ADAM17: variants seen among roughly 807,000 people sequenced by gnomAD.
ADAM17 encodes ADAM metallopeptidase domain 17.
Under a neutral mutation model 96.7 loss-of-function variants are expected in ADAM17, and 39 were observed. The observed-to-expected ratio is 0.40, with a 90% CI of 0.31 to 0.53. The LOEUF (loss-of-function observed/expected upper bound fraction) is 0.53. ADAM17 is among the 20% of genes least tolerant of loss of function. The pLI is 0.44. For missense variants in ADAM17, 777 were observed against 1,013.2 expected (o/e 0.77, Z 3.17); for synonymous variants, 344 against 359.2 (o/e 0.96, Z 0.48).
chr2:9,528,719 C>G (rs1372387700), intron 4 of ADAM17, among the ~76,000 whole-genome samples: 1 of 152,154 alleles, frequency 6.6e-6, no homozygotes, highest in Non-Finnish European at 1.5e-5. Context: ...CAGGGAAATG[C>G]AAATCAAAAC....
At chr2:9,490,977 C>G (rs910185684) in intron 18 of ADAM17, 124 bp downstream of exon 18, 19 of 830,150 alleles carry the variant, frequency 2.3e-5, no homozygotes, top group Non-Finnish European at 3.7e-5. Flanking sequence ...CAACCTAGAC[C>G]CTTCCTGCTG....
chr2:9,504,795 A>G (rs1558503160), intron 12 of ADAM17, among the ~76,000 whole-genome samples: 1 of 151,654 alleles, frequency 6.6e-6, no homozygotes, highest in Non-Finnish European at 1.5e-5. Flanking sequence ...TCTTTTAACT[A>G]TAGGACTGCT....
In ADAM17 at chr2:9,500,244, C is replaced by A. The variant is rs188266870; in HGVS notation, c.1648+1929G>T. 2.2e-3 allele frequency among the ~76,000 whole-genome samples: 331 copies of A among 152,278 alleles called. 1 individual carries two copies. The highest frequency in any genetic ancestry group is 3.8e-3 in the Non-Finnish European group (258 of 68,020). On this transcript the variant is annotated intron_variant, in intron 13 of 18. Transcript: ENST00000310823. ...GTACATGAAGTACTGATACATGCTA[C>A]AACATACATGAACCTTAAAAATGCT...
intron 6 of ADAM17, among the ~76,000 whole-genome samples, chr2:9,525,659 T>C (rs1664497496): frequency 6.6e-6 from 1 of 152,208 alleles, no homozygotes; most frequent in Non-Finnish European, 1.5e-5. Context: ...GTCCCACCTA[T>C]TTCAAGTGAA....
At chr2:9,509,296 G>T (rs1031978750) in intron 11 of ADAM17, among the ~76,000 whole-genome samples, 13 of 152,168 alleles carry the variant, frequency 8.5e-5, no homozygotes, top group Non-Finnish European at 1.3e-4. Context: ...GAAAGAACCA[G>T]ATATTTATTA....
rs759951895 is a variant in ADAM17, at chr2:9,535,893, T to C, written c.391A>G (p.Ile131Val). ...GEPDSRVLAH[I>V]RDDDVIIRIN... Reference sequence around the variant, plus strand: ...CTGATTATAACATCATCATCTCTTATGTGGGCTAGAACCCTAGAGTCAGGC... The same window carrying C: ...CTGATTATAACATCATCATCTCTTACGTGGGCTAGAACCCTAGAGTCAGGC... Residue 131 changes from isoleucine to valine, a missense_variant, in exon 4 of 19, where the codon ATA becomes GTA. This residue lies in a region of ADAM17 where 446 missense variants were observed against 664.7 expected (regional missense o/e 0.67). Transcript: ENST00000310823. The C allele has an allele frequency of 1.9e-6, 3 of 1,605,998 alleles. No individual in the cohort carries two copies. Among genetic ancestry groups the C allele is most frequent in the Admixed American group, 1.7e-5 (1 of 59,416 alleles).
chr2:9,508,739 C>A (rs923239360), intron 11 of ADAM17, among the ~76,000 whole-genome samples: 1 of 152,118 alleles, frequency 6.6e-6, no homozygotes, highest in African/African-American at 2.4e-5. Flanking sequence ...ATCCCCCGCC[C>A]CGCAGCAGAA....
chr2:9,536,863 A>G, intron 2 of ADAM17, 35 bp from the exon 3 acceptor site: 1 of 1,602,260 alleles, frequency 6.2e-7, no homozygotes, highest in South Asian at 1.1e-5. Context: ...TACTCTAAGC[A>G]CACAAATTTT....
At chr2:9,551,180 A>T (rs1665581134) in intron 1 of ADAM17, among the ~76,000 whole-genome samples, 1 of 151,644 alleles carries the variant, frequency 6.6e-6, no homozygotes, top group Non-Finnish European at 1.5e-5. Flanking sequence ...ATACACGTCT[A>T]GTCATTAGCA....
At position 9,493,752 on chromosome 2, in the gene ADAM17, G is replaced by T. The variant is rs1200631089; in HGVS notation, c.1988C>A (p.Thr663Asn). 1.2e-6 allele frequency: 2 copies of T among 1,613,420 alleles called. No individual in the cohort carries two copies. The highest frequency in any genetic ancestry group is 1.7e-6 in the Non-Finnish European group (2 of 1,179,514). ...AATCTGGGGAAATCACCTACCAAAA[G>T]TATTGATGCTCAGCTGGTCAATGAA... The part of the protein sequence containing the change: ...WDFIDQLSIN[T>N]FGKFLADNIV... Residue 663 changes from threonine to asparagine, a missense_variant, in exon 16 of 19, where the codon ACT becomes AAT. Transcript: ENST00000310823.
chr2:9,494,123 G>A (rs1050923206), intron 15 of ADAM17, among the ~76,000 whole-genome samples: 1 of 152,136 alleles, frequency 6.6e-6, no homozygotes, highest in African/African-American at 2.4e-5. Context: ...CACATACACA[G>A]TGGACAGTGA....
intron 4 of ADAM17, among the ~76,000 whole-genome samples, chr2:9,535,202 T>A (rs1470222999): frequency 6.6e-6 from 1 of 152,238 alleles, no homozygotes; most frequent in Admixed American, 6.5e-5. Flanking sequence ...CCACAGGTGA[T>A]CTATTTTAGT....
chr2:9,495,711 C>CAAA lies in ADAM17; in HGVS notation c.1784-947_1784-945dup, dbSNP rs367778507. Among the ~76,000 whole-genome samples, 265 of 140,398 alleles carry CAAA rather than the reference C, an allele frequency of 1.9e-3. 1 individual carries two copies. Among genetic ancestry groups the CAAA allele is most frequent in the African/African-American group, 4.0e-3 (152 of 38,258 alleles). 92.1% of individuals were successfully genotyped at this position (140,398 alleles called of 152,430 possible). A position where few individuals can be genotyped will look rare whatever the true frequency, so the allele number is the denominator to read the frequency against. ...CCTGGGCGAGAGTGAGACTCCATCT[C>CAAA]AAAAAAAAAAAAAGAAAACCTTTTC... is the stretch of plus-strand genomic sequence containing the variant. On this transcript the variant is annotated intron_variant, in intron 14 of 18. Transcript: ENST00000310823.
At chr2:9,531,579 G>A (rs566576086) in intron 4 of ADAM17, among the ~76,000 whole-genome samples, 1 of 152,288 alleles carries the variant, frequency 6.6e-6, no homozygotes, top group Non-Finnish European at 1.5e-5. Flanking sequence ...GCGTGTGCCT[G>A]TAATCCCAGC....
At chr2:9,524,393 G>A (rs1664436482) in intron 6 of ADAM17, among the ~76,000 whole-genome samples, 1 of 152,086 alleles carries the variant, frequency 6.6e-6, no homozygotes, top group African/African-American at 2.4e-5. Context: ...AGGAGGCTGA[G>A]GTGGGAAGAT....
chr2:9,533,002 A>G (rs933657035), intron 4 of ADAM17, among the ~76,000 whole-genome samples: 1 of 152,096 alleles, frequency 6.6e-6, no homozygotes, highest in Non-Finnish European at 1.5e-5. Context: ...CAGCCTGGCC[A>G]ACACAGTGAA....
rs569860547 is a variant in ADAM17, at chr2:9,498,454, A to G, written c.1649-1206T>C. 3.9e-5 allele frequency among the ~76,000 whole-genome samples: 6 copies of G among 152,142 alleles called. No individual in the cohort carries two copies. The East Asian group carries it at 5.8e-4, about 15-fold the overall frequency. ...AAAGTCAACACAAATAGAGGAGGAG[A>G]AAAAAAACACTTTATGAAAGCAATG... On this transcript the variant is annotated intron_variant, in intron 13 of 18. Transcript: ENST00000310823.
chr2:9,525,212 T>C (rs1003413237), intron 6 of ADAM17, among the ~76,000 whole-genome samples: 12 of 150,642 alleles, frequency 8.0e-5, no homozygotes, highest in African/African-American at 1.2e-4. Context: ...GGCAGGAGAA[T>C]TGCTTGAACC....
intron 14 of ADAM17, 198 bp from the exon 15 acceptor site, chr2:9,494,965 C>G: frequency 2.0e-6 from 1 of 492,428 alleles, no homozygotes; most frequent in African/African-American, 2.0e-5. Flanking sequence ...GTGACAGAGG[C>G]CACAAGGTTT....
Sources: gnomAD v4.1 joint callset for allele counts (sites outside exome capture counted in the v4.1 genomes callset) on GRCh38, gnomAD v4.1.1 for gene constraint, gnomAD v4.1.1 regional missense constraint, MANE v1.5 for transcripts, NCBI Gene and HGNC (gene_info 2026-07-23, HGNC 2026-07-21) for gene names.